The following BRI3 variants were observed in gnomAD, a reference collection of about 807,000 sequenced individuals.
BRI3 encodes the protein brain protein I3, also known as membrane protein BRI3.
A neutral mutation model predicts 12.8 loss-of-function variants in BRI3; 6 were observed. The ratio of observed to expected loss-of-function variants is 0.47; its 90% CI spans 0.26 to 0.93. The LOEUF (loss-of-function observed/expected upper bound fraction) is 0.93, where lower values mean the gene tolerates loss of function less well. Among genes scored for constraint, BRI3 ranks in the 40% least tolerant of loss-of-function variants. The pLI is 0.15. For missense variants in BRI3, 134 were observed against 171.1 expected (o/e 0.78, Z 1.21); for synonymous variants, 91 against 76.1 (o/e 1.20, Z -1.02).
chr7:98,307,723 C>T, exon 2 of BRI3: 1 of 1,614,236 alleles, frequency 6.2e-7, no homozygotes, highest in Non-Finnish European at 8.5e-7. Context: ...TAGAGCCAGC[C>T]ATCCTTCTCC....
chr7:98,295,773 C>G (rs886884845), downstream of BRI3, among the ~76,000 whole-genome samples: 1 of 152,122 alleles, frequency 6.6e-6, no homozygotes, highest in African/African-American at 2.4e-5. Context: ...CCAAGCACAC[C>G]CCGGAGCTTG....
downstream of BRI3, among the ~76,000 whole-genome samples, chr7:98,293,825 G>T (rs919210099): frequency 6.6e-6 from 1 of 152,228 alleles, no homozygotes. Flanking sequence ...TCTGGACGTG[G>T]GCACCCACAC....
At chr7:98,302,550 G>A (rs576978892), upstream of BRI3, among the ~76,000 whole-genome samples, 1 of 152,272 alleles carries the variant, frequency 6.6e-6, no homozygotes, top group African/African-American at 2.4e-5. Flanking sequence ...CAGGGCCTGA[G>A]GTCTAACTAC....
At chr7:98,302,940 G>A (rs1405701115), upstream of BRI3, among the ~76,000 whole-genome samples, 3 of 151,972 alleles carry the variant, frequency 2.0e-5, no homozygotes, top group Non-Finnish European at 4.4e-5. Flanking sequence ...ATGTGCCACC[G>A]TACCTGGCTA....
chr7:98,308,029 T>A, exon 2 of BRI3: 1 of 854,792 alleles, frequency 1.2e-6, no homozygotes, highest in Non-Finnish European at 2.0e-6. Flanking sequence ...ACTGACCCTG[T>A]CCTATTTCCT....
intron 2 of BRI3, among the ~76,000 whole-genome samples, chr7:98,285,931 G>A (rs535007978): frequency 5.3e-4 from 80 of 152,306 alleles, no homozygotes; most frequent in Non-Finnish European, 9.1e-4. Flanking sequence ...TTTTCCTGGC[G>A]AGGCCTGGCC....
rs571830543 is a variant in BRI3, at chr7:98,288,839, G to A, written c.246-2272G>A. Among the ~76,000 whole-genome samples the A allele has an allele frequency of 1.2e-4, 18 of 151,966 alleles. No homozygotes were observed. In the East Asian group the frequency reaches 3.3e-3, roughly 28 times the overall value. Reference sequence around the variant, plus strand: ...TTGAACTGCTGGCTTTAAGCGATCCGCCTCAGCTTCCCAAAGTGCTGCAGT... The same window carrying A: ...TTGAACTGCTGGCTTTAAGCGATCCACCTCAGCTTCCCAAAGTGCTGCAGT... On this transcript the variant is annotated intron_variant, in intron 2 of 2. Transcript: ENST00000297290.
chr7:98,296,010 C>G (rs941002696), downstream of BRI3, among the ~76,000 whole-genome samples: 1 of 152,162 alleles, frequency 6.6e-6, no homozygotes, highest in Non-Finnish European at 1.5e-5. Context: ...CCATGGGCAC[C>G]GAGACACTCG....
chr7:98,286,375 C>T (rs1013950724), intron 2 of BRI3, among the ~76,000 whole-genome samples: 1 of 152,208 alleles, frequency 6.6e-6, no homozygotes, highest in African/African-American at 2.4e-5. Context: ...ACTGGAGTCG[C>T]CTTAAGGGAG....
chr7:98,304,907 C>T (rs1486827489), upstream of BRI3, among the ~76,000 whole-genome samples: 1 of 144,340 alleles, frequency 6.9e-6, no homozygotes, highest in Non-Finnish European at 1.5e-5. Flanking sequence ...CTCTTATTGT[C>T]CAGGGTGGAG....
In BRI3 at chr7:98,301,475, G is replaced by GTATATATATATATA. The variant is rs60741017; in HGVS notation, c.72-5002_72-4989dup. Among the ~76,000 whole-genome samples the GTATATATATATATA allele has an allele frequency of 4.2e-4, 60 of 142,298 alleles. 2 individuals are homozygous for GTATATATATATATA. The East Asian group carries it at 9.5e-3, about 23-fold the overall frequency. The allele number at this position is 142,298 out of a possible 152,430, so 93.4% of individuals were successfully genotyped here. A position where few individuals can be genotyped will look rare whatever the true frequency, so the allele number is the denominator to read the frequency against. Reference sequence around the variant, plus strand: ...AAAGCCTTCTAGCTTTTTTTTTTTGGTATATATATATATATATATTTTAAG... The same window carrying GTATATATATATATA: ...AAAGCCTTCTAGCTTTTTTTTTTTGGTATATATATATATATATATATATATATATATATTTTAAG... On this transcript the variant is annotated intron_variant and NMD_transcript_variant, in intron 1 of 2. Transcript: ENST00000491463.
At chr7:98,297,549 A>G (rs1800242935), downstream of BRI3, among the ~76,000 whole-genome samples, 1 of 152,184 alleles carries the variant, frequency 6.6e-6, no homozygotes, top group Non-Finnish European at 1.5e-5. Flanking sequence ...ACTCGCAACA[A>G]AAGTGGCCCT....
intron 2 of BRI3, among the ~76,000 whole-genome samples, chr7:98,290,405 C>T (rs1442419347): frequency 6.6e-6 from 1 of 151,832 alleles, no homozygotes; most frequent in African/African-American, 2.4e-5. Flanking sequence ...CCTTGTTAGC[C>T]AGGATGGTCT....
chr7:98,298,338 T>C (rs1479004331), intron 1 of BRI3, among the ~76,000 whole-genome samples: 1 of 146,820 alleles, frequency 6.8e-6, no homozygotes, highest in Non-Finnish European at 1.5e-5. Context: ...AGGGGCTGGG[T>C]GCGGTGGCTC....
chr7:98,295,205 C>A (rs1018344694), downstream of BRI3, among the ~76,000 whole-genome samples: 2 of 152,210 alleles, frequency 1.3e-5, no homozygotes, highest in African/African-American at 4.8e-5. Context: ...CAGGCCTCCT[C>A]TGGGATGGCC....
downstream of BRI3, chr7:98,310,644 T>A: frequency 1.4e-6 from 2 of 1,384,634 alleles, no homozygotes; most frequent in Non-Finnish European, 1.9e-6. Context: ...GAACCGGAAT[T>A]ACACAGATTC....
chr7:98,307,484 G>A lies in BRI3; in HGVS notation n.145-31G>A. ...TGACTTCATACGCTCTAATAACTAT[G>A]CATGCACCAAATGTATCTCTACATG... On this transcript the variant is annotated intron_variant and non_coding_transcript_variant, in intron 1 of 1. Coordinates refer to the BRI3 transcript ENST00000485422. 2.1e-6 allele frequency: 3 copies of A among 1,425,834 alleles called. No homozygotes were observed. In the South Asian group the frequency reaches 4.5e-5, roughly 21 times the overall value. The allele number at this position is 1,425,834 out of a possible 1,614,324, so 88.3% of individuals were successfully genotyped here. A position where few individuals can be genotyped will look rare whatever the true frequency, so the allele number is the denominator to read the frequency against.
chr7:98,305,322 A>T (rs117063092), upstream of BRI3, among the ~76,000 whole-genome samples: 5 of 22,262 alleles, frequency 2.2e-4, no homozygotes, highest in Non-Finnish European at 7.2e-4. Context: ...GCTAAGAGTT[A>T]AAAAAAAAAA....
At chr7:98,319,552 T>C in the BRI3 span, among the ~76,000 whole-genome samples, 1 of 151,192 alleles carries the variant, frequency 6.6e-6, no homozygotes, top group East Asian at 1.9e-4. Context: ...CTATGCCTTT[T>C]TTTTTTTTTT....
Sources: allele counts gnomAD v4.1 joint callset (sites outside exome capture counted in the v4.1 genomes callset), GRCh38; gene constraint gnomAD v4.1.1; transcripts MANE v1.5; gene names NCBI Gene and HGNC (gene_info 2026-07-23, HGNC 2026-07-21).